Variants in MALRD1 observed in about 807,000 individuals in gnomAD.
The protein encoded by MALRD1 is MAM and LDL-receptor class A domain-containing protein 1.
MALRD1 carries 247 observed loss-of-function variants against 242.1 expected under a neutral mutation model. That is an observed-to-expected ratio of 1.02 (90% CI 0.92 to 1.13). The LOEUF (loss-of-function observed/expected upper bound fraction) is 1.13. MALRD1 is among the 50% of genes most tolerant of loss of function. The pLI is 0.00. For synonymous variants in MALRD1, 995 were observed against 866.6 expected (o/e 1.15, Z -2.60); for missense variants, 2,989 against 2,533.1 (o/e 1.18, Z -3.86).
At chr10:19,061,795 G>A (rs1350431574) in intron 1 of MALRD1, among the ~76,000 whole-genome samples, 1 of 152,148 alleles carries the variant, frequency 6.6e-6, no homozygotes, top group African/African-American at 2.4e-5. Flanking sequence ...CCTCAAAATG[G>A]ATTGAAGACC....
chr10:19,699,467 C>T (rs1833523476), intron 38 of MALRD1, among the ~76,000 whole-genome samples: 1 of 152,046 alleles, frequency 6.6e-6, no homozygotes, highest in Non-Finnish European at 1.5e-5. Flanking sequence ...AGGCAGTGCT[C>T]ATTCGGGTGA....
At chr10:19,574,222 G>A (rs1023589767) in intron 33 of MALRD1, among the ~76,000 whole-genome samples, 1 of 152,176 alleles carries the variant, frequency 6.6e-6, no homozygotes, top group African/African-American at 2.4e-5. Context: ...ATTTTCAGAT[G>A]TAATCTCTTA....
chr10:19,198,182 G>A (rs1588685461), intron 14 of MALRD1, among the ~76,000 whole-genome samples: 2 of 152,164 alleles, frequency 1.3e-5, no homozygotes, highest in African/African-American at 2.4e-5. Context: ...GACTGATAAG[G>A]AAACAAGTTA....
intron 26 of MALRD1, among the ~76,000 whole-genome samples, chr10:19,353,783 G>A (rs1844500814): frequency 6.6e-6 from 1 of 152,134 alleles, no homozygotes; most frequent in Non-Finnish European, 1.5e-5. Context: ...ATATAAGTCT[G>A]GTCCTTTGAA....
chr10:19,287,007 T>C (rs1216495513), intron 21 of MALRD1, among the ~76,000 whole-genome samples: 1 of 152,036 alleles, frequency 6.6e-6, no homozygotes, highest in Non-Finnish European at 1.5e-5. Flanking sequence ...GATGCAAGGC[T>C]GGTTCAATAT....
At chr10:19,352,614 C>T (rs1483221910) in intron 26 of MALRD1, among the ~76,000 whole-genome samples, 1 of 152,120 alleles carries the variant, frequency 6.6e-6, no homozygotes, top group African/African-American at 2.4e-5. Context: ...AAGCAAACAT[C>T]TATTCACTTC....
intron 2 of MALRD1, among the ~76,000 whole-genome samples, chr10:19,086,955 A>G (rs949859967): frequency 2.6e-5 from 4 of 152,016 alleles, no homozygotes; most frequent in Admixed American, 2.0e-4. Context: ...TAGCTTCCCT[A>G]TGTTAGTGAA....
chr10:19,061,371 T>C (rs1834817676), intron 1 of MALRD1, among the ~76,000 whole-genome samples: 1 of 152,188 alleles, frequency 6.6e-6, no homozygotes, highest in East Asian at 1.9e-4. Flanking sequence ...AATCTACAGA[T>C]TCAGTGCAAT....
At chr10:19,730,853 C>G (rs1835266775) in intron 39 of MALRD1, 72 bp downstream of exon 39, 1 of 1,296,882 alleles carries the variant, frequency 7.7e-7, no homozygotes, top group Non-Finnish European at 1.1e-6. Flanking sequence ...CACACACAGG[C>G]TGAACCAGTG....
chr10:19,622,461 C>G (rs996252301), intron 36 of MALRD1, among the ~76,000 whole-genome samples: 1 of 151,590 alleles, frequency 6.6e-6, no homozygotes, highest in East Asian at 1.9e-4. Context: ...AGAACTTAAA[C>G]AAGTGGAAAA....
At chr10:19,168,771 C>A (rs1834802103) in intron 13 of MALRD1, among the ~76,000 whole-genome samples, 6 of 152,086 alleles carry the variant, frequency 3.9e-5, no homozygotes, top group Admixed American at 3.9e-4. Flanking sequence ...CCCTTCATCC[C>A]CCTGCTGGTG....
At chr10:19,134,335 G>T (rs918152216) in intron 9 of MALRD1, among the ~76,000 whole-genome samples, 3 of 152,148 alleles carry the variant, frequency 2.0e-5, no homozygotes, top group Non-Finnish European at 4.4e-5. Context: ...TATAACACAT[G>T]GAAAGCTCTA....
chr10:19,256,246 G>GAC (rs1369951381), intron 18 of MALRD1, among the ~76,000 whole-genome samples: 2 of 151,964 alleles, frequency 1.3e-5, no homozygotes, highest in African/African-American at 4.8e-5. Context: ...ATGGGTACAG[G>GAC]ACATTAACTG....
chr10:19,147,203 A>G (rs1833755008), intron 11 of MALRD1, among the ~76,000 whole-genome samples: 1 of 152,158 alleles, frequency 6.6e-6, no homozygotes, highest in African/African-American at 2.4e-5. Flanking sequence ...ATCATCTTTC[A>G]ACCTCATTGA....
chr10:19,284,047 C>G (rs966126316), intron 21 of MALRD1, among the ~76,000 whole-genome samples: 3 of 152,164 alleles, frequency 2.0e-5, no homozygotes, highest in African/African-American at 7.2e-5. Flanking sequence ...CTGAATGGAA[C>G]ACAAAGGGAA....
intron 24 of MALRD1, among the ~76,000 whole-genome samples, chr10:19,344,367 A>G (rs1348379225): frequency 1.3e-5 from 2 of 151,964 alleles, no homozygotes; most frequent in Admixed American, 1.3e-4. Flanking sequence ...CTTTATTTTT[A>G]TGTTTGCCTA....
At chr10:19,490,198 T>A (rs949574065) in intron 29 of MALRD1, among the ~76,000 whole-genome samples, 1 of 152,176 alleles carries the variant, frequency 6.6e-6, no homozygotes, top group Non-Finnish European at 1.5e-5. Context: ...ACAATGTCAG[T>A]TATGAAAGAA....
At chr10:19,287,182 T>C (rs1171350575) in intron 21 of MALRD1, among the ~76,000 whole-genome samples, 1 of 152,134 alleles carries the variant, frequency 6.6e-6, no homozygotes, top group Non-Finnish European at 1.5e-5. Flanking sequence ...TTCAGTAATA[T>C]CAATCCAATT....
chr10:19,410,082 C>T (rs1431683856), intron 28 of MALRD1, among the ~76,000 whole-genome samples: 1 of 152,120 alleles, frequency 6.6e-6, no homozygotes, highest in Non-Finnish European at 1.5e-5. Flanking sequence ...TAGTAGCTTG[C>T]TCTGTGTCTG....
Sources: gnomAD v4.1 joint callset for allele counts (sites outside exome capture counted in the v4.1 genomes callset) on GRCh38, gnomAD v4.1.1 for gene constraint, MANE v1.5 for transcripts, NCBI Gene and HGNC (gene_info 2026-07-23, HGNC 2026-07-21) for gene names.